The following SLC24A3 variants were observed in gnomAD, a reference collection of about 807,000 sequenced individuals.
The protein encoded by SLC24A3 is solute carrier family 24 member 3, also known as sodium/potassium/calcium exchanger 3.
Under a neutral mutation model 75.8 loss-of-function variants are expected in SLC24A3, and 28 were observed. The observed-to-expected ratio is 0.37, with a 90% CI of 0.27 to 0.51. The LOEUF (loss-of-function observed/expected upper bound fraction) is 0.51, where lower values mean the gene tolerates loss of function less well. Ranked by LOEUF, SLC24A3 falls within the 20% of genes least tolerant of loss-of-function variation. The pLI is 0.94. For missense variants in SLC24A3, 663 were observed against 847.8 expected (o/e 0.78, Z 2.71); for synonymous variants, 372 against 334.1 (o/e 1.11, Z -1.24).
chr20:19,430,790 A>AC (rs1987088228), intron 2 of SLC24A3, among the ~76,000 whole-genome samples: 1 of 148,020 alleles, frequency 6.8e-6, no homozygotes, highest in Non-Finnish European at 1.5e-5. Flanking sequence ...ACACACACAC[A>AC]GGCACTTGCA....
intron 2 of SLC24A3, among the ~76,000 whole-genome samples, chr20:19,384,892 A>G (rs980459060): frequency 8.5e-5 from 13 of 152,066 alleles, no homozygotes; most frequent in Non-Finnish European, 1.8e-4. Flanking sequence ...GTGAGGTACT[A>G]TCTCTTAGTT....
intron 6 of SLC24A3, among the ~76,000 whole-genome samples, chr20:19,632,671 T>C (rs1383623697): frequency 1.3e-5 from 2 of 152,212 alleles, no homozygotes; most frequent in East Asian, 3.8e-4. Context: ...TACCAGGCAC[T>C]GTGTTTTTAT....
chr20:19,539,927 C>T (rs2030466384), intron 3 of SLC24A3, among the ~76,000 whole-genome samples: 1 of 151,984 alleles, frequency 6.6e-6, no homozygotes, highest in South Asian at 2.1e-4. Context: ...TTTTTTCCAC[C>T]TAAATAGGAG....
chr20:19,364,631 T>G (rs1985852187), intron 2 of SLC24A3, among the ~76,000 whole-genome samples: 2 of 152,092 alleles, frequency 1.3e-5, no homozygotes, highest in Admixed American at 1.3e-4. Flanking sequence ...ATTTCTGTAT[T>G]TTTTGTAGAC....
At chr20:19,698,445 A>AAG in intron 14 of SLC24A3, 123 bp from the exon 15 acceptor site, 1 of 620,494 alleles carries the variant, frequency 1.6e-6, no homozygotes, top group Non-Finnish European at 2.9e-6. Flanking sequence ...ATGGCCTTGA[A>AAG]AGAGAAGCAC....
At chr20:19,482,544 T>G (rs1286337543) in intron 2 of SLC24A3, among the ~76,000 whole-genome samples, 1 of 152,242 alleles carries the variant, frequency 6.6e-6, no homozygotes, top group Admixed American at 6.5e-5. Flanking sequence ...CCACTTGCTT[T>G]CACACTGCAT....
intron 3 of SLC24A3, among the ~76,000 whole-genome samples, chr20:19,543,776 G>T (rs980580798): frequency 6.6e-6 from 1 of 152,184 alleles, no homozygotes; most frequent in Non-Finnish European, 1.5e-5. Context: ...AAAGGTGGTG[G>T]TACCCTTATT....
At chr20:19,337,928 G>A (rs528534825) in intron 2 of SLC24A3, among the ~76,000 whole-genome samples, 1 of 152,126 alleles carries the variant, frequency 6.6e-6, no homozygotes, top group Non-Finnish European at 1.5e-5. Context: ...GGTGGCAGGG[G>A]TGGCACAGCA....
At chr20:19,360,225 G>A (rs898823075) in intron 2 of SLC24A3, among the ~76,000 whole-genome samples, 8 of 152,188 alleles carry the variant, frequency 5.3e-5, no homozygotes, top group African/African-American at 1.2e-4. Context: ...AGTCAGACAC[G>A]AATGAGAAGG....
intron 2 of SLC24A3, among the ~76,000 whole-genome samples, chr20:19,513,199 G>A (rs1305799510): frequency 6.6e-6 from 1 of 152,230 alleles, no homozygotes; most frequent in Non-Finnish European, 1.5e-5. Flanking sequence ...GGTCACAGAA[G>A]GAAGAAGTCA....
At chr20:19,479,282 A>C (rs1287327144) in intron 2 of SLC24A3, among the ~76,000 whole-genome samples, 1 of 152,196 alleles carries the variant, frequency 6.6e-6, no homozygotes, top group Admixed American at 6.5e-5. Flanking sequence ...TTAATTACTC[A>C]TTGCCCATCT....
chr20:19,716,377 C>T (rs2033046855), intron 15 of SLC24A3, among the ~76,000 whole-genome samples: 1 of 150,686 alleles, frequency 6.6e-6, no homozygotes, highest in Admixed American at 6.6e-5. Flanking sequence ...CCACATGTGG[C>T]TCTTTAAATG....
intron 3 of SLC24A3, among the ~76,000 whole-genome samples, chr20:19,529,212 C>T (rs1292036795): frequency 2.0e-5 from 3 of 152,068 alleles, no homozygotes; most frequent in Admixed American, 2.0e-4. Context: ...TATACACACA[C>T]ATAAATATGT....
chr20:19,474,153 T>C (rs1285705610), intron 2 of SLC24A3, among the ~76,000 whole-genome samples: 1 of 152,192 alleles, frequency 6.6e-6, no homozygotes, highest in Non-Finnish European at 1.5e-5. Flanking sequence ...AGGATGGATT[T>C]GGTGTCAGCT....
intron 3 of SLC24A3, among the ~76,000 whole-genome samples, chr20:19,561,031 G>A (rs74953082): frequency 0.01 from 1,533 of 152,274 alleles, 12 homozygotes; most frequent in Middle Eastern, 0.027. Context: ...TCTCACTGTG[G>A]TAGCATCTTG....
intron 2 of SLC24A3, among the ~76,000 whole-genome samples, chr20:19,450,594 A>C (rs1002878040): frequency 1.3e-5 from 2 of 152,180 alleles, no homozygotes; most frequent in African/African-American, 4.8e-5. Context: ...CTTTCCTGAG[A>C]CATCACCAGC....
chr20:19,596,442 G>A (rs532245535), intron 6 of SLC24A3, among the ~76,000 whole-genome samples: 6 of 152,282 alleles, frequency 3.9e-5, no homozygotes, highest in African/African-American at 9.6e-5. Context: ...AGTACAAATC[G>A]CCATGAGCAA....
intron 6 of SLC24A3, among the ~76,000 whole-genome samples, chr20:19,625,913 T>A (rs1312416861): frequency 1.3e-5 from 2 of 152,208 alleles, no homozygotes; most frequent in Admixed American, 1.3e-4. Flanking sequence ...ATTGTAAATC[T>A]ATTCATCTGA....
chr20:19,302,243 GC>G (rs1381849190), intron 2 of SLC24A3, among the ~76,000 whole-genome samples: 1 of 152,228 alleles, frequency 6.6e-6, no homozygotes, highest in Non-Finnish European at 1.5e-5. Context: ...GTGGGCAGGG[GC>G]TGGGGCTGTT....
Sources: allele counts gnomAD v4.1 joint callset (sites outside exome capture counted in the v4.1 genomes callset), GRCh38; gene constraint gnomAD v4.1.1; transcripts MANE v1.5; gene names NCBI Gene and HGNC (gene_info 2026-07-23, HGNC 2026-07-21).